The following NRG3 variants were observed in gnomAD, a reference collection of about 807,000 sequenced individuals.
The protein encoded by NRG3 is neuregulin 3, also known as pro-neuregulin-3, membrane-bound isoform.
NRG3 carries 31 observed loss-of-function variants against 66.9 expected under a neutral mutation model. The observed-to-expected ratio is 0.46, with a 90% CI of 0.35 to 0.63. The LOEUF is 0.63. Ranked by LOEUF, NRG3 falls within the 20% of genes least tolerant of loss-of-function variation. NRG3 has a pLI of 0.00. For missense variants in NRG3, 910 were observed against 878.9 expected (o/e 1.04, Z -0.45); for synonymous variants, 393 against 359.4 (o/e 1.09, Z -1.06).
intron 2 of NRG3, among the ~76,000 whole-genome samples, chr10:82,561,247 T>A (rs2045023302): frequency 6.6e-6 from 1 of 152,230 alleles, no homozygotes; most frequent in Admixed American, 6.5e-5. Context: ...TACTTGCACC[T>A]TCCACCGTAA....
intron 1 of NRG3, among the ~76,000 whole-genome samples, chr10:82,074,161 A>G (rs966296309): frequency 8.6e-5 from 13 of 151,852 alleles, no homozygotes; most frequent in African/African-American, 2.9e-4. Flanking sequence ...ATGTGAAAAG[A>G]TTTGACAGAG....
At chr10:81,995,879 G>A (rs929199706) in intron 1 of NRG3, among the ~76,000 whole-genome samples, 2 of 151,980 alleles carry the variant, frequency 1.3e-5, no homozygotes, top group Non-Finnish European at 2.9e-5. Context: ...TGTTTGTTTT[G>A]TTTTTTGTTA....
intron 1 of NRG3, among the ~76,000 whole-genome samples, chr10:82,311,104 C>T (rs1225616007): frequency 7.0e-6 from 1 of 142,062 alleles, no homozygotes; most frequent in Non-Finnish European, 1.5e-5. Context: ...GTATTACTCT[C>T]TGAGTTGCTC....
chr10:82,980,236 G>A (rs1852723178), intron 8 of NRG3, among the ~76,000 whole-genome samples: 1 of 151,828 alleles, frequency 6.6e-6, no homozygotes, highest in Admixed American at 6.6e-5. Flanking sequence ...AAATAATTGA[G>A]TAAAATAATA....
At chr10:82,286,120 C>T (rs1163714156) in intron 1 of NRG3, among the ~76,000 whole-genome samples, 1 of 152,088 alleles carries the variant, frequency 6.6e-6, no homozygotes. Flanking sequence ...CCTTTATATT[C>T]CCAATGGGGG....
chr10:82,121,904 C>T (rs545257645), intron 1 of NRG3, among the ~76,000 whole-genome samples: 12 of 152,126 alleles, frequency 7.9e-5, no homozygotes, highest in Non-Finnish European at 1.2e-4. Context: ...TCCCAAAGTG[C>T]TAGGATTATA....
At position 82,227,884 on chromosome 10, in the gene NRG3, C is replaced by G. The variant is rs539299484; in HGVS notation, c.824-130855C>G. ...CCCAAGGCTCTGGTGTTAGGGGCAG[C>G]CTTCATTTTCCATTTCAGTTCAAGG... On this transcript the variant is annotated intron_variant, in intron 1 of 8. Coordinates refer to ENST00000372141, the MANE Select transcript of NRG3 (RefSeq NM_001010848.4). Among the ~76,000 whole-genome samples the G allele has an allele frequency of 3.2e-4, 49 of 152,228 alleles. 1 individual carries two copies. In the South Asian group the frequency reaches 9.3e-3, roughly 29 times the overall value.
At chr10:82,465,926 A>G (rs1459987669) in intron 2 of NRG3, among the ~76,000 whole-genome samples, 1 of 152,138 alleles carries the variant, frequency 6.6e-6, no homozygotes, top group Non-Finnish European at 1.5e-5. Context: ...TACTCAGGGA[A>G]CAGTCGTTGC....
At chr10:82,177,598 T>C (rs2073126895) in intron 1 of NRG3, among the ~76,000 whole-genome samples, 1 of 152,118 alleles carries the variant, frequency 6.6e-6, no homozygotes, top group African/African-American at 2.4e-5. Flanking sequence ...TTTTTTGACA[T>C]GGTTTTTCTT....
At chr10:82,628,463 C>T (rs75354015) in intron 2 of NRG3, among the ~76,000 whole-genome samples, 2,701 of 152,208 alleles carry the variant, frequency 0.018, 84 homozygotes, top group African/African-American at 0.061. Context: ...CTCACCATCC[C>T]ATGGAACTAG....
At chr10:81,997,696 C>T (rs372445482) in intron 1 of NRG3, among the ~76,000 whole-genome samples, 1 of 152,014 alleles carries the variant, frequency 6.6e-6, no homozygotes, top group Non-Finnish European at 1.5e-5. Flanking sequence ...ATGTGTAGCA[C>T]AGTGCTTGGA....
At chr10:82,171,382 G>A (rs1189102688) in intron 1 of NRG3, among the ~76,000 whole-genome samples, 1 of 36,002 alleles carries the variant, frequency 2.8e-5, no homozygotes, top group African/African-American at 5.0e-5. Flanking sequence ...TTAAAGCACT[G>A]CTTCTACTTT....
chr10:82,297,400 G>A (rs1453858687), intron 1 of NRG3, among the ~76,000 whole-genome samples: 1 of 152,146 alleles, frequency 6.6e-6, no homozygotes. Flanking sequence ...GGGAGTTTAG[G>A]AAGCTGATGG....
chr10:82,044,096 G>A (rs181444500), intron 1 of NRG3, among the ~76,000 whole-genome samples: 22 of 152,102 alleles, frequency 1.4e-4, no homozygotes, highest in African/African-American at 4.1e-4. Flanking sequence ...TGTCAGGGAC[G>A]CTTCCTACCA....
At chr10:81,933,348 G>T (rs948910421) in intron 1 of NRG3, among the ~76,000 whole-genome samples, 1 of 151,998 alleles carries the variant, frequency 6.6e-6, no homozygotes, top group African/African-American at 2.4e-5. Context: ...TCCCAATTTT[G>T]TAGATCAGAA....
chr10:82,770,417 TA>T (rs1488173822), intron 3 of NRG3, among the ~76,000 whole-genome samples: 2 of 152,130 alleles, frequency 1.3e-5, no homozygotes, highest in African/African-American at 4.8e-5. Context: ...CTCACAGCTC[TA>T]TTCTTGGAAA....
intron 2 of NRG3, among the ~76,000 whole-genome samples, chr10:82,634,370 A>G (rs1474654486): frequency 6.6e-6 from 1 of 152,184 alleles, no homozygotes; most frequent in Non-Finnish European, 1.5e-5. Flanking sequence ...AGAAGTATGT[A>G]TGTATGCTTG....
intron 2 of NRG3, among the ~76,000 whole-genome samples, chr10:82,716,155 C>T (rs188324627): frequency 1.3e-5 from 2 of 152,000 alleles, no homozygotes; most frequent in Non-Finnish European, 2.9e-5. Context: ...TTTAAAAACC[C>T]GAGTGATTGA....
At chr10:82,771,741 T>C (rs1482608040) in intron 3 of NRG3, among the ~76,000 whole-genome samples, 1 of 152,170 alleles carries the variant, frequency 6.6e-6, no homozygotes, top group African/African-American at 2.4e-5. Context: ...GTTATAACAT[T>C]AGTGGCTGAC....
Sources: allele counts gnomAD v4.1 joint callset (sites outside exome capture counted in the v4.1 genomes callset), GRCh38; gene constraint gnomAD v4.1.1; transcripts MANE v1.5; gene names NCBI Gene and HGNC (gene_info 2026-07-23, HGNC 2026-07-21).